Variants in PDE3B observed in about 807,000 individuals in gnomAD.
PDE3B encodes cGMP-inhibited 3',5'-cyclic phosphodiesterase 3B.
In PDE3B, 66 loss-of-function variants were observed where a neutral mutation model predicts 116.8. The ratio of observed to expected loss-of-function variants is 0.56; its 90% CI spans 0.46 to 0.69. The LOEUF is 0.69. Among genes scored for constraint, PDE3B ranks in the 30% least tolerant of loss-of-function variants. The pLI, the probability that PDE3B is intolerant of heterozygous loss-of-function variation, is 0.00. For missense variants in PDE3B, 1,384 were observed against 1,368.1 expected (o/e 1.01, Z -0.18); for synonymous variants, 595 against 533.6 (o/e 1.12, Z -1.59).
chr11:14,694,928 A>G (rs756023292), intron 1 of PDE3B, among the ~76,000 whole-genome samples: 1 of 152,192 alleles, frequency 6.6e-6, no homozygotes, highest in African/African-American at 2.4e-5. Flanking sequence ...ACTGTAAGGT[A>G]TATTAGTCTC....
Position 14,758,257 on chromosome 11 carries a change from T to G in PDE3B, c.979-13680T>G, listed in dbSNP as rs1203023591. 4.2e-4 allele frequency among the ~76,000 whole-genome samples: 63 copies of G among 151,152 alleles called. 1 individual carries two copies. The highest frequency in any genetic ancestry group is 1.5e-3 in the African/African-American group (63 of 41,164). Reference sequence around the variant, plus strand: ...TAGTGTGATGCCTCCAGCTTTGTTCTTTTGGCTTAGGATTGACTTGGCGAT... The same window carrying G: ...TAGTGTGATGCCTCCAGCTTTGTTCGTTTGGCTTAGGATTGACTTGGCGAT... On this transcript the variant is annotated intron_variant, in intron 1 of 15. Transcript: ENST00000282096.
the PDE3B span, among the ~76,000 whole-genome samples, chr11:14,897,968 C>G: frequency 6.6e-6 from 1 of 152,170 alleles, no homozygotes; most frequent in Non-Finnish European, 1.5e-5. Flanking sequence ...CTCTAGACTT[C>G]TGGAGAATAG....
chr11:14,879,474 G>C, the PDE3B span: 2 of 1,528,162 alleles, frequency 1.3e-6, no homozygotes, highest in Admixed American at 3.5e-5. Flanking sequence ...AAGTTATTAT[G>C]CAGTTCTTAG....
At chr11:14,725,267 CTCTTTCTTTTTCTT>C (rs543563322) in intron 1 of PDE3B, among the ~76,000 whole-genome samples, 120 of 151,522 alleles carry the variant, frequency 7.9e-4, no homozygotes, top group East Asian at 2.3e-3. Flanking sequence ...TTCTTTCTTT[CTCTTTCTTTTTCTT>C]TCTTTCTTTT....
chr11:14,777,699 C>T (rs1857829343), intron 2 of PDE3B, among the ~76,000 whole-genome samples: 1 of 152,112 alleles, frequency 6.6e-6, no homozygotes, highest in African/African-American at 2.4e-5. Context: ...TGAATAGGAA[C>T]AGCTCCAGTC....
At chr11:14,891,822 T>A in the PDE3B span, 4 of 971,348 alleles carry the variant, frequency 4.1e-6, no homozygotes, top group Admixed American at 6.2e-5. Context: ...GACTTCTCCC[T>A]TCCAGACCCG....
At chr11:14,877,252 G>A in the PDE3B span, among the ~76,000 whole-genome samples, 1 of 152,092 alleles carries the variant, frequency 6.6e-6, no homozygotes, top group Non-Finnish European at 1.5e-5. Flanking sequence ...AGTTTACACA[G>A]TTACCCTGTC....
At chr11:14,844,912 A>C (rs1847562085) in intron 12 of PDE3B, among the ~76,000 whole-genome samples, 1 of 152,240 alleles carries the variant, frequency 6.6e-6, no homozygotes, top group South Asian at 2.1e-4. Flanking sequence ...GGGGCAGGGC[A>C]CAGACAAACA....
intron 1 of PDE3B, among the ~76,000 whole-genome samples, chr11:14,760,706 C>T (rs1250025651): frequency 2.6e-5 from 4 of 152,128 alleles, no homozygotes; most frequent in Non-Finnish European, 5.9e-5. Flanking sequence ...AATTCTCTTT[C>T]GCATTGCTTA....
chr11:14,682,109 G>A (rs1236789759), intron 1 of PDE3B, among the ~76,000 whole-genome samples: 1 of 152,114 alleles, frequency 6.6e-6, no homozygotes, highest in African/African-American at 2.4e-5. Context: ...TCATGGAAGT[G>A]GATTATCATA....
At chr11:14,877,210 T>G in the PDE3B span, among the ~76,000 whole-genome samples, 1 of 152,168 alleles carries the variant, frequency 6.6e-6, no homozygotes, top group African/African-American at 2.4e-5. Context: ...GACATAATTA[T>G]GAATAGGACC....
the PDE3B span, chr11:14,886,520 G>C: frequency 6.5e-6 from 1 of 153,666 alleles, no homozygotes; most frequent in Non-Finnish European, 1.4e-5. Context: ...TTACCACATA[G>C]GTTAGGTGGC....
rs144615825 is a variant in PDE3B at position 14,694,312 on chromosome 11, A to G, written c.978+49259A>G. Among the ~76,000 whole-genome samples the G allele has an allele frequency of 2.4e-3, 360 of 152,328 alleles. 1 individual carries two copies. Among genetic ancestry groups the G allele is most frequent in the African/African-American group, 8.2e-3 (339 of 41,580 alleles). On this transcript the variant is annotated intron_variant, in intron 1 of 15. Coordinates refer to ENST00000282096, the MANE Select transcript of PDE3B (RefSeq NM_000922.4). The stretch of plus-strand genomic sequence containing the variant: ...TGACTCCAATTTTAAAAGAAGTTCT[A>G]GTATGGATAAAATGAAGCATTGGAT...
intron 1 of PDE3B, among the ~76,000 whole-genome samples, chr11:14,690,216 A>G (rs1263052017): frequency 6.6e-6 from 1 of 152,224 alleles, no homozygotes; most frequent in Non-Finnish European, 1.5e-5. Context: ...GCCAGAAGCT[A>G]GTCTGGGAAA....
At chr11:14,696,868 C>T (rs1460065271) in intron 1 of PDE3B, among the ~76,000 whole-genome samples, 1 of 152,036 alleles carries the variant, frequency 6.6e-6, no homozygotes, top group Non-Finnish European at 1.5e-5. Context: ...TATTAATTTA[C>T]AAAATCTTTG....
At chr11:14,844,791 C>A (rs1387186351) in intron 12 of PDE3B, among the ~76,000 whole-genome samples, 1 of 152,238 alleles carries the variant, frequency 6.6e-6, no homozygotes. Flanking sequence ...GGAAAGGGCG[C>A]CCGCCATTGC....
At chr11:14,874,763 CATT>C (rs1848174329), downstream of PDE3B, among the ~76,000 whole-genome samples, 1 of 152,098 alleles carries the variant, frequency 6.6e-6, no homozygotes, top group African/African-American at 2.4e-5. Flanking sequence ...TTGTTAGATG[CATT>C]ATTTTTATCA....
chr11:14,778,318 T>G (rs1857856111), intron 2 of PDE3B, among the ~76,000 whole-genome samples: 1 of 151,712 alleles, frequency 6.6e-6, no homozygotes, highest in African/African-American at 2.4e-5. Flanking sequence ...AAGAGAGGAG[T>G]GGTTCTCCCA....
chr11:14,651,590 T>G (rs1195564556), intron 1 of PDE3B, among the ~76,000 whole-genome samples: 1 of 152,222 alleles, frequency 6.6e-6, no homozygotes, highest in Non-Finnish European at 1.5e-5. Context: ...TGCTTCCTAT[T>G]TACTGACTTT....
Sources: gnomAD v4.1 joint callset for allele counts (sites outside exome capture counted in the v4.1 genomes callset) on GRCh38, gnomAD v4.1.1 for gene constraint, MANE v1.5 for transcripts, NCBI Gene and HGNC (gene_info 2026-07-23, HGNC 2026-07-21) for gene names.